The following GRIK2 variants were observed in gnomAD, a reference collection of about 807,000 sequenced individuals.
The protein encoded by GRIK2 is glutamate ionotropic receptor kainate type subunit 2.
Under a neutral mutation model 100.3 loss-of-function variants are expected in GRIK2, and 32 were observed. The ratio of observed to expected loss-of-function variants is 0.32; its 90% confidence interval spans 0.24 to 0.43. The LOEUF (loss-of-function observed/expected upper bound fraction) is 0.43, where lower values mean the gene tolerates loss of function less well. Ranked by LOEUF, GRIK2 falls within the 20% of genes least tolerant of loss-of-function variation. GRIK2 has a pLI of 1.00. For missense variants in GRIK2, 843 were observed against 1,114.9 expected (o/e 0.76, Z 3.47); for synonymous variants, 417 against 389.4 (o/e 1.07, Z -0.83).
intron 14 of GRIK2, among the ~76,000 whole-genome samples, chr6:102,012,021 G>C (rs768491757): frequency 7.3e-4 from 111 of 152,084 alleles, no homozygotes; most frequent in Non-Finnish European, 7.8e-4. Context: ...TTCACTCTAT[G>C]ATCCATTTTG....
At chr6:101,937,805 G>A (rs1425290779) in intron 14 of GRIK2, among the ~76,000 whole-genome samples, 1 of 152,048 alleles carries the variant, frequency 6.6e-6, no homozygotes, top group Non-Finnish European at 1.5e-5. Context: ...TGACTTTTGA[G>A]TATCAGCAAA....
Position 101,818,465 on chromosome 6 carries a change from G to A in GRIK2, c.1299G>A (p.Leu433=). 1 of 1,590,544 alleles carries A rather than the reference G, an allele frequency of 6.3e-7. No individual in the cohort carries two copies. Among genetic ancestry groups the A allele is most frequent in the Non-Finnish European group, 8.6e-7 (1 of 1,158,638 alleles). Residue 433 remains leucine (L), a synonymous_variant, in exon 10 of 17, where the codon TTG becomes TTA. Transcript: ENST00000369134. The part of the protein sequence containing the change: ...NITDSLSNRS[L]IVTTILEEPY... ...CAGATTCCTTATCCAATCGTTCTTT[G>A]ATTGTTACCACCATTTTGGTAAGTA...
chr6:101,540,877 G>C (rs1775951674), intron 2 of GRIK2, among the ~76,000 whole-genome samples: 1 of 151,958 alleles, frequency 6.6e-6, no homozygotes, highest in Admixed American at 6.6e-5. Context: ...ATGCATGGGA[G>C]TAGTCTTGAT....
Position 101,883,189 on chromosome 6 carries a change from C to T in GRIK2, c.1525-6451C>T, listed in dbSNP as rs533558492. 4.0e-5 allele frequency among the ~76,000 whole-genome samples: 6 copies of T among 150,872 alleles called. No individual in the cohort carries two copies. The East Asian group carries it at 1.2e-3, about 30-fold the overall frequency. On this transcript the variant is annotated intron_variant, in intron 11 of 16. Coordinates refer to ENST00000369134, the MANE Select transcript of GRIK2 (RefSeq NM_021956.5). The stretch of plus-strand genomic sequence containing the variant: ...AAATATCCCTACCTTTACTACTATG[C>T]GGTCTTTACAACAAAAATGACCCAA...
At chr6:101,472,642 T>C (rs1300705562) in intron 2 of GRIK2, among the ~76,000 whole-genome samples, 1 of 151,766 alleles carries the variant, frequency 6.6e-6, no homozygotes, top group East Asian at 1.9e-4. Flanking sequence ...TATTTTTAAG[T>C]GTGTGAATAA....
At chr6:102,020,663 C>T (rs1203277833) in intron 14 of GRIK2, among the ~76,000 whole-genome samples, 1 of 151,770 alleles carries the variant, frequency 6.6e-6, no homozygotes, top group East Asian at 1.9e-4. Context: ...ATAGATGTGC[C>T]TAGGTGAAGG....
intron 7 of GRIK2, among the ~76,000 whole-genome samples, chr6:101,714,967 G>A (rs1773962988): frequency 6.6e-6 from 1 of 151,320 alleles, no homozygotes; most frequent in Non-Finnish European, 1.5e-5. Flanking sequence ...TTAATATTAA[G>A]AGAGAATTTG....
intron 15 of GRIK2, among the ~76,000 whole-genome samples, chr6:102,051,498 T>A (rs758091117): frequency 1.3e-5 from 2 of 152,170 alleles, no homozygotes; most frequent in Non-Finnish European, 1.5e-5. Context: ...AAATGAAGAT[T>A]CAAGGCCTAA....
At position 101,524,495 on chromosome 6, in the gene GRIK2, T is replaced by C. The variant is rs1315360402; in HGVS notation, c.116-97454T>C. On this transcript the variant is annotated intron_variant, in intron 2 of 16. Coordinates refer to ENST00000369134, the MANE Select transcript of GRIK2 (RefSeq NM_021956.5). The stretch of plus-strand genomic sequence containing the variant: ...TTCACTATAGGTGTGTCTGACACAT[T>C]GTGCTTCTAGTTCACTCTCTGTCTT... 2.0e-5 allele frequency among the ~76,000 whole-genome samples: 3 copies of C among 152,116 alleles called. No individual in the cohort carries two copies. The East Asian group carries it at 5.8e-4, about 29-fold the overall frequency.
intron 16 of GRIK2, among the ~76,000 whole-genome samples, chr6:102,067,158 A>G (rs141212088): frequency 0.028 from 4,233 of 151,840 alleles, 85 homozygotes; most frequent in South Asian, 0.06. Context: ...GTATGTATAT[A>G]TCATATATAA....
At chr6:101,767,288 C>T (rs1424296347) in intron 7 of GRIK2, among the ~76,000 whole-genome samples, 2 of 151,618 alleles carry the variant, frequency 1.3e-5, no homozygotes, top group Non-Finnish European at 2.9e-5. Context: ...ACCTTTTTTT[C>T]TCCTTAAGAG....
chr6:101,868,758 T>C (rs1785207489), intron 11 of GRIK2, among the ~76,000 whole-genome samples: 1 of 151,864 alleles, frequency 6.6e-6, no homozygotes, highest in African/African-American at 2.4e-5. Context: ...ATAAAGTTTC[T>C]TTTCAAAGTA....
intron 16 of GRIK2, chr6:102,065,694 C>A: frequency 1.6e-6 from 1 of 636,184 alleles, no homozygotes; most frequent in Non-Finnish European, 2.6e-6. Flanking sequence ...TTATTTCAAA[C>A]GATTCAATGT....
At chr6:101,676,592 A>G in intron 4 of GRIK2, 31 bp from the exon 5 acceptor site, 1 of 1,293,968 alleles carries the variant, frequency 7.7e-7, no homozygotes, top group Non-Finnish European at 1.1e-6. Flanking sequence ...TATCTCTAAT[A>G]TTCTTTTTTT....
intron 14 of GRIK2, among the ~76,000 whole-genome samples, chr6:102,018,725 G>A (rs998025260): frequency 1.3e-5 from 2 of 152,050 alleles, no homozygotes; most frequent in African/African-American, 2.4e-5. Context: ...AATCTAAGAA[G>A]CATTGTTGAC....
At chr6:101,861,564 C>T (rs987646342) in intron 11 of GRIK2, among the ~76,000 whole-genome samples, 2 of 152,058 alleles carry the variant, frequency 1.3e-5, no homozygotes, top group African/African-American at 4.8e-5. Flanking sequence ...GTCAAATTCA[C>T]TGTTCGATCA....
At chr6:101,439,677 A>G (rs1769936323) in intron 2 of GRIK2, among the ~76,000 whole-genome samples, 1 of 152,128 alleles carries the variant, frequency 6.6e-6, no homozygotes, top group Non-Finnish European at 1.5e-5. Flanking sequence ...TATATTGATA[A>G]TTACTTCAAA....
intron 2 of GRIK2, among the ~76,000 whole-genome samples, chr6:101,561,308 A>T (rs537067844): frequency 6.6e-6 from 1 of 152,122 alleles, no homozygotes; most frequent in South Asian, 2.1e-4. Flanking sequence ...GGAAATTTAC[A>T]GAATTGGGAG....
chr6:101,900,036 A>G (rs1333800366), intron 12 of GRIK2, among the ~76,000 whole-genome samples: 2 of 152,166 alleles, frequency 1.3e-5, no homozygotes, highest in African/African-American at 2.4e-5. Context: ...ACATACAAAA[A>G]TAAGATTCAT....
Sources: gnomAD v4.1 joint callset for allele counts (sites outside exome capture counted in the v4.1 genomes callset) on GRCh38, gnomAD v4.1.1 for gene constraint, MANE v1.5 for transcripts, NCBI Gene and HGNC (gene_info 2026-07-23, HGNC 2026-07-21) for gene names.